The following OVGP1 variants were observed in gnomAD, a reference collection of about 807,000 sequenced individuals.
OVGP1 encodes oviduct-specific glycoprotein.
Under a neutral mutation model 48.2 loss-of-function variants are expected in OVGP1, and 26 were observed. The observed-to-expected ratio is 0.54, with a 90% CI of 0.40 to 0.75. The LOEUF (loss-of-function observed/expected upper bound fraction) is 0.75. Among genes scored for constraint, OVGP1 ranks in the 30% least tolerant of loss-of-function variants. The pLI is 0.00. For synonymous variants in OVGP1, 294 were observed against 305.7 expected, an observed-to-expected ratio of 0.96 and a Z score of 0.40; for missense variants, 791 against 820.6, an observed-to-expected ratio of 0.96 and a Z score of 0.44.
rs1056048178 is a variant in OVGP1 at position 111,415,323 on chromosome 1, G to A, written c.1178C>T (p.Pro393Leu). 1.4e-5 allele frequency: 23 copies of A among 1,610,536 alleles called. No individual in the cohort carries two copies. Among genetic ancestry groups the A allele is most frequent in the Non-Finnish European group, 1.7e-5 (20 of 1,177,584 alleles). The change falls in exon 11 of 11, where the codon CCA becomes CTA. Residue 393 changes from proline to leucine, a missense_variant. Transcript: ENST00000369732. Reference protein sequence around the residue: ...VRAEFSSTSLPQFWLSSAVNS... With the variant: ...VRAEFSSTSLLQFWLSSAVNS... ...CACAGCAGATGACAGCCAAAATTGT[G>A]GTAAAGAAGTTGAACTGAACTCTAG...
At chr1:111,421,068 C>G (rs1474825427) in intron 8 of OVGP1, among the ~76,000 whole-genome samples, 1 of 152,098 alleles carries the variant, frequency 6.6e-6, no homozygotes. Flanking sequence ...CAGATTCCAC[C>G]AAGTCCTTCG....
At chr1:111,422,524 T>C (rs775830194) in intron 6 of OVGP1, among the ~76,000 whole-genome samples, 1 of 152,204 alleles carries the variant, frequency 6.6e-6, no homozygotes, top group Non-Finnish European at 1.5e-5. Flanking sequence ...GGCATTCCTG[T>C]TTTTGTTTTT....
rs983960628 is a variant in OVGP1, at chr1:111,426,482, T to C, written c.215A>G (p.Gln72Arg). The change falls in exon 3 of 11, where the codon CAG becomes CGG. Residue 72 changes from glutamine to arginine, a missense_variant. Gln to Arg is a conservative substitution (Grantham distance 43, BLOSUM62 1). Transcript: ENST00000369732. Reference protein sequence around the residue: ...NNNQIVAKDLQDEKILYPEFN... With the variant: ...NNNQIVAKDLRDEKILYPEFN... ...CTCTGGGTAGAGAATTTTCTCATCC[T>C]GGAGATCCTTAGCAACAATCTGATT... 1.1e-5 allele frequency: 18 copies of C among 1,614,092 alleles called. 1 individual carries two copies. The highest frequency in any genetic ancestry group is 1.5e-5 in the Non-Finnish European group (18 of 1,180,030).
intron 9 of OVGP1, among the ~76,000 whole-genome samples, chr1:111,417,278 G>C (rs1481725001): frequency 6.6e-6 from 1 of 152,108 alleles, no homozygotes; most frequent in African/African-American, 2.4e-5. Flanking sequence ...AAATACAGTA[G>C]AGCACAAAAT....
intron 4 of OVGP1, 91 bp from the exon 5 acceptor site, chr1:111,423,799 G>T: frequency 7.9e-7 from 1 of 1,273,326 alleles, no homozygotes; most frequent in Non-Finnish European, 1.1e-6. Context: ...CCCTGTGGTG[G>T]GCCTGGCAGA....
At chr1:111,424,581 A>C (rs1220573033) in intron 4 of OVGP1, among the ~76,000 whole-genome samples, 2 of 152,216 alleles carry the variant, frequency 1.3e-5, no homozygotes, top group East Asian at 3.9e-4. Flanking sequence ...GCTTCCTGCA[A>C]GTGTTCACGG....
chr1:111,418,453 T>C lies in OVGP1; in HGVS notation c.1020+1157A>G, dbSNP rs758610069. 5.9e-5 allele frequency among the ~76,000 whole-genome samples: 9 copies of C among 152,348 alleles called. No individual in the cohort carries two copies. The South Asian group carries it at 1.9e-3, about 32-fold the overall frequency. On this transcript the variant is annotated intron_variant, in intron 9 of 10. Transcript: ENST00000369732. Reference sequence around the variant, plus strand: ...CTCCGCCCCAGCAGGCCTCACCCAGTGTTAATGCACAGAGGAGCTACGCAG... The same window carrying C: ...CTCCGCCCCAGCAGGCCTCACCCAGCGTTAATGCACAGAGGAGCTACGCAG...
Position 111,421,457 on chromosome 1 carries a change from T to C in OVGP1, c.722A>G (p.Tyr241Cys). The change falls in exon 8 of 11, where the codon TAT becomes TGT. Residue 241 changes from tyrosine to cysteine, a missense_variant. Physicochemically the swap from Tyr to Cys is radical, Grantham distance 194. Coordinates refer to ENST00000369732, the MANE Select transcript of OVGP1 (RefSeq NM_002557.4). ...AAGCTTTCTCCAATAATTCATAGCA[T>C]ATGCCTGCAGGTAAGAAGAATCCAG... ...SLPEDPKSSAYAMNYWRKLGA... is the reference protein window; with the variant it reads ...SLPEDPKSSACAMNYWRKLGA... 2 of 1,610,814 alleles carry C rather than the reference T, an allele frequency of 1.2e-6. No individual in the cohort carries two copies. The highest frequency in any genetic ancestry group is 1.1e-5 in the South Asian group (1 of 90,478).
chr1:111,415,683 G>A (rs566578297), intron 10 of OVGP1, among the ~76,000 whole-genome samples: 42 of 152,174 alleles, frequency 2.8e-4, no homozygotes, highest in African/African-American at 9.4e-4. Context: ...ACCTTGCCTC[G>A]AGGCCTAATT....
At chr1:111,423,451 T>C (rs1320028035) in intron 5 of OVGP1, 92 bp downstream of exon 5, 2 of 1,347,042 alleles carry the variant, frequency 1.5e-6, no homozygotes, top group Admixed American at 2.1e-5. Flanking sequence ...CTTCTGCCCC[T>C]GGCCCTGGAC....
At position 111,426,552 on chromosome 1, in the gene OVGP1, AG is replaced by A. The variant is rs761236433; in HGVS notation, c.144del (p.Leu50SerfsTer5). 1.9e-6 allele frequency: 3 copies of A among 1,614,118 alleles called. No individual in the cohort carries two copies. The highest frequency in any genetic ancestry group is 2.5e-6 in the Non-Finnish European group (3 of 1,180,012). On this transcript the variant is annotated frameshift_variant, in exon 3 of 11. Transcript: ENST00000369732. LOFTEE classifies it high-confidence loss of function. Reference sequence around the variant, plus strand: ...GCAAATATCAGGTGGGTGCAGAGAAAGGGGTCCAGGTCATGGGGCAAGATCG... The same window carrying A: ...GCAAATATCAGGTGGGTGCAGAGAAAGGGTCCAGGTCATGGGGCAAGATCG... ...PASILPHDLD[P>X]FLCTHLIFAF...
chr1:111,416,238 A>G, intron 10 of OVGP1, 85 bp downstream of exon 10: 2 of 1,356,630 alleles, frequency 1.5e-6, no homozygotes, highest in Middle Eastern at 2.6e-4. Flanking sequence ...TTGCCTCACC[A>G]AGGCATTTAG....
At chr1:111,423,781 G>A in intron 4 of OVGP1, 73 bp from the exon 5 acceptor site, 1 of 1,478,290 alleles carries the variant, frequency 6.8e-7, no homozygotes, top group Non-Finnish European at 9.3e-7. Flanking sequence ...CCCCTTGCAA[G>A]CTTGGTTCCC....
In OVGP1 at chr1:111,422,961, C is replaced by T. The variant is rs772291987; in HGVS notation, c.574G>A (p.Val192Ile). ...SAAVSGVPHI[V>I]QTSYDVRFLG... ...AAGCGCACATCATAGGATGTTTGGA[C>T]GATGTGTGGGACCCCAGAAACAGCA... The change falls in exon 6 of 11, where the codon GTC (valine) becomes ATC (isoleucine). Residue 192 changes from valine (V) to isoleucine (I), a missense_variant. By Grantham distance (29) the Val-to-Ile change is conservative. Transcript: ENST00000369732. 1.2e-5 allele frequency: 20 copies of T among 1,614,018 alleles called. No individual in the cohort carries two copies. The highest frequency in any genetic ancestry group is 2.2e-5 in the East Asian group (1 of 44,900).
chr1:111,426,925 C>T (rs1366980650), intron 2 of OVGP1, 137 bp downstream of exon 2: 1 of 1,557,216 alleles, frequency 6.4e-7, no homozygotes, highest in Non-Finnish European at 8.7e-7. Flanking sequence ...ACCAAAAATC[C>T]TCTGAGAAAC....
Position 111,414,817 on chromosome 1 carries a change from C to T in OVGP1, c.1684G>A (p.Val562Met). Residue 562 changes from valine to methionine, a missense_variant, in exon 11 of 11, where the codon GTG becomes ATG. Transcript: ENST00000369732. Reference sequence around the variant, plus strand: ...GCCACAGCCTTCCTTCTAGGGGCCACTGTATTCTGTCTAAGGGTCTCAGTC... The same window carrying T: ...GCCACAGCCTTCCTTCTAGGGGCCATTGTATTCTGTCTAAGGGTCTCAGTC... The part of the protein sequence containing the change: ...FQTETLRQNT[V>M]APRRKAVARE... 1 of 1,596,652 alleles carries T rather than the reference C, an allele frequency of 6.3e-7. No homozygotes were observed. Among genetic ancestry groups the T allele is most frequent in the Non-Finnish European group, 8.6e-7 (1 of 1,168,784 alleles).
intron 9 of OVGP1, among the ~76,000 whole-genome samples, chr1:111,417,038 A>G (rs1652154050): frequency 2.6e-5 from 4 of 152,260 alleles, no homozygotes; most frequent in African/African-American, 7.2e-5. Context: ...AATGGTTAAA[A>G]TGGTAAATCT....
intron 8 of OVGP1, among the ~76,000 whole-genome samples, chr1:111,421,012 T>A (rs1281732223): frequency 6.6e-6 from 1 of 152,198 alleles, no homozygotes; most frequent in Non-Finnish European, 1.5e-5. Context: ...GGTTTACCTG[T>A]ATAGCATATA....
At position 111,422,965 on chromosome 1, in the gene OVGP1, G is replaced by A. The variant is rs1406913532; in HGVS notation, c.570C>T (p.His190=). The change falls in exon 6 of 11, where the codon CAC becomes CAT. Residue 190 remains histidine (H), a synonymous_variant. Coordinates refer to ENST00000369732, the MANE Select transcript of OVGP1 (RefSeq NM_002557.4). ...GCACATCATAGGATGTTTGGACGAT[G>A]TGTGGGACCCCAGAAACAGCAGCAG... ...LLSAAVSGVP[H]IVQTSYDVRF... is the part of the protein sequence containing the mutation. 4 of 1,614,188 alleles carry A rather than the reference G, an allele frequency of 2.5e-6. No homozygotes were observed. In the South Asian group the frequency reaches 4.4e-5, roughly 18 times the overall value.
Sources: allele counts gnomAD v4.1 joint callset (sites outside exome capture counted in the v4.1 genomes callset), GRCh38; gene constraint gnomAD v4.1.1; transcripts MANE v1.5; gene names NCBI Gene and HGNC (gene_info 2026-07-23, HGNC 2026-07-21).